The following MDGA2 variants were observed in gnomAD, a reference collection of about 807,000 sequenced individuals.
The protein encoded by MDGA2 is MAM domain containing glycosylphosphatidylinositol anchor 2, also known as MAM domain-containing glycosylphosphatidylinositol anchor protein 2.
Under a neutral mutation model 117.8 loss-of-function variants are expected in MDGA2, and 40 were observed. The ratio of observed to expected loss-of-function variants is 0.34; its 90% CI spans 0.26 to 0.44. The LOEUF (loss-of-function observed/expected upper bound fraction) is 0.44, where lower values mean the gene tolerates loss of function less well. MDGA2 is among the 20% of genes least tolerant of loss of function. The probability of loss-of-function intolerance (pLI) is 1.00; values close to 1 mark genes in which losing one functional copy is unlikely to be tolerated. For missense variants in MDGA2, 1,123 were observed against 1,250.6 expected (o/e 0.90, Z 1.54); for synonymous variants, 452 against 439.0 (o/e 1.03, Z -0.37).
At chr14:46,844,823 C>T (rs1260599788) in intron 16 of MDGA2, among the ~76,000 whole-genome samples, 1 of 152,074 alleles carries the variant, frequency 6.6e-6, no homozygotes, top group African/African-American at 2.4e-5. Context: ...GGGGGCTCTT[C>T]CCCTATGCTC....
At chr14:47,093,253 C>T (rs1879773030) in intron 6 of MDGA2, among the ~76,000 whole-genome samples, 1 of 152,042 alleles carries the variant, frequency 6.6e-6, no homozygotes, top group Admixed American at 6.6e-5. Context: ...GCATCCAAAA[C>T]ACTGAACTAA....
intron 1 of MDGA2, among the ~76,000 whole-genome samples, chr14:47,632,426 T>C (rs990376910): frequency 1.3e-5 from 2 of 152,208 alleles, no homozygotes; most frequent in Admixed American, 6.5e-5. Flanking sequence ...GTACCTAAAT[T>C]ACTATTCCTA....
chr14:47,209,032 C>T (rs540270391), intron 3 of MDGA2, among the ~76,000 whole-genome samples: 9 of 151,808 alleles, frequency 5.9e-5, no homozygotes, highest in Admixed American at 2.0e-4. Flanking sequence ...TAAATGCACA[C>T]TGATGTAATG....
chr14:47,588,644 T>C (rs576483021), intron 1 of MDGA2, among the ~76,000 whole-genome samples: 13 of 152,044 alleles, frequency 8.6e-5, no homozygotes, highest in African/African-American at 3.1e-4. Context: ...CATCAGATAA[T>C]GATTTTCAAA....
chr14:47,549,931 G>C (rs1895548521), intron 1 of MDGA2, among the ~76,000 whole-genome samples: 1 of 152,172 alleles, frequency 6.6e-6, no homozygotes, highest in African/African-American at 2.4e-5. Context: ...TAATTTTGCT[G>C]TTGTTTAAGC....
intron 3 of MDGA2, among the ~76,000 whole-genome samples, chr14:47,185,962 G>A (rs1884893857): frequency 1.3e-5 from 2 of 151,518 alleles, no homozygotes; most frequent in Non-Finnish European, 3.0e-5. Context: ...TAATTAGGAT[G>A]GAAGGCTTGC....
intron 10 of MDGA2, among the ~76,000 whole-genome samples, chr14:46,910,695 A>G (rs569936326): frequency 4.7e-4 from 72 of 152,292 alleles, no homozygotes; most frequent in African/African-American, 1.6e-3. Context: ...TCAAACTGTC[A>G]GACTTAATGA....
Position 47,674,955 on chromosome 14 carries a change from GTTC to G in MDGA2, c.-162_-160del, listed in dbSNP as rs1662674291. ...GGGAAGGGGAGCTGCGAGGCGAAGT[GTTC>G]TTCAGGGAAGCGGGCTCGAGTCTCC... On this transcript the variant is annotated 5_prime_UTR_variant, in exon 1 of 17. Transcript: ENST00000399232. 2.2e-6 allele frequency: 1 copy of G among 463,834 alleles called. No homozygotes were observed. Among genetic ancestry groups the G allele is most frequent in the Non-Finnish European group, 3.7e-6 (1 of 266,800 alleles). 28.7% of individuals were successfully genotyped at this position (463,834 alleles called of 1,614,324 possible).
intron 2 of MDGA2, among the ~76,000 whole-genome samples, chr14:47,236,625 T>A (rs372494379): frequency 5.9e-5 from 9 of 152,294 alleles, no homozygotes; most frequent in African/African-American, 2.2e-4. Context: ...AATGATAGCA[T>A]CCCATAAGTG....
chr14:47,218,289 G>A, intron 2 of MDGA2, 94 bp from the exon 3 acceptor site: 1 of 1,040,944 alleles, frequency 9.6e-7, no homozygotes, highest in Non-Finnish European at 1.3e-6. Context: ...TGCATTTAGA[G>A]CTGCTACATT....
intron 1 of MDGA2, among the ~76,000 whole-genome samples, chr14:47,383,821 G>A (rs981561486): frequency 2.0e-5 from 3 of 152,006 alleles, no homozygotes; most frequent in Non-Finnish European, 2.9e-5. Flanking sequence ...CACCACACCC[G>A]GACGGTTCAT....
intron 8 of MDGA2, among the ~76,000 whole-genome samples, chr14:47,028,888 A>G (rs527356479): frequency 4.8e-4 from 73 of 152,246 alleles, no homozygotes; most frequent in African/African-American, 1.7e-3. Context: ...AAATTTTTGG[A>G]TAGCCTTTTT....
At chr14:47,634,658 C>T (rs1897294871) in intron 1 of MDGA2, among the ~76,000 whole-genome samples, 1 of 151,952 alleles carries the variant, frequency 6.6e-6, no homozygotes. Flanking sequence ...ATTTCATATG[C>T]CTAAACCATA....
At chr14:47,257,626 T>C (rs1887666558) in intron 2 of MDGA2, among the ~76,000 whole-genome samples, 1 of 152,176 alleles carries the variant, frequency 6.6e-6, no homozygotes, top group African/African-American at 2.4e-5. Context: ...GCAATTTTTG[T>C]AATTATTGAA....
intron 1 of MDGA2, among the ~76,000 whole-genome samples, chr14:47,408,167 T>G (rs974663385): frequency 1.3e-5 from 2 of 150,550 alleles, no homozygotes; most frequent in Non-Finnish European, 3.0e-5. Flanking sequence ...GCAATTCTCC[T>G]GCCTCAGCCT....
intron 6 of MDGA2, among the ~76,000 whole-genome samples, chr14:47,063,347 TTATCAG>T (rs1261167072): frequency 6.6e-6 from 1 of 152,030 alleles, no homozygotes; most frequent in African/African-American, 2.4e-5. Flanking sequence ...AACCATATCT[TTATCAG>T]TAAGTTACTC....
intron 1 of MDGA2, among the ~76,000 whole-genome samples, chr14:47,436,628 T>C (rs982708624): frequency 6.6e-6 from 1 of 152,044 alleles, no homozygotes. Context: ...CTGGGCCACA[T>C]TAAAATAAGA....
chr14:47,075,886 G>A (rs571380220), intron 6 of MDGA2, among the ~76,000 whole-genome samples: 24 of 152,016 alleles, frequency 1.6e-4, no homozygotes, highest in Admixed American at 3.9e-4. Context: ...TGATAACAGT[G>A]GACTATGCAT....
Position 47,383,909 on chromosome 14 carries a change from T to A in MDGA2, c.281-82359A>T, listed in dbSNP as rs780766019. On this transcript the variant is annotated intron_variant, in intron 1 of 16. Coordinates refer to ENST00000399232, the MANE Select transcript of MDGA2 (RefSeq NM_001113498.3). ...TTTGATCATGCCTGAGACAAAAAAA[T>A]TGTCATCTATGGACTGCATGGTGCT... is the stretch of plus-strand genomic sequence containing the variant. 4.4e-4 allele frequency among the ~76,000 whole-genome samples: 67 copies of A among 151,822 alleles called. 1 individual carries two copies. The highest frequency in any genetic ancestry group is 5.1e-4 in the Non-Finnish European group (35 of 67,984).
Sources: gnomAD v4.1 joint callset for allele counts (sites outside exome capture counted in the v4.1 genomes callset) on GRCh38, gnomAD v4.1.1 for gene constraint, MANE v1.5 for transcripts, NCBI Gene and HGNC (gene_info 2026-07-23, HGNC 2026-07-21) for gene names.